KLC1: variants seen among roughly 807,000 people sequenced by gnomAD.
KLC1 encodes the protein kinesin 2 60/70kDa.
Under a neutral mutation model 84.2 loss-of-function variants are expected in KLC1, and 30 were observed. The ratio of observed to expected loss-of-function variants is 0.36; its 90% CI spans 0.27 to 0.48. The LOEUF (loss-of-function observed/expected upper bound fraction) is 0.48, where lower values mean the gene tolerates loss of function less well. KLC1 is among the 20% of genes least tolerant of loss of function. The pLI is 0.99. For synonymous variants in KLC1, 289 were observed against 293.3 expected (o/e 0.99, Z 0.15); for missense variants, 499 against 805.4 (o/e 0.62, Z 4.60).
chr14:103,695,602 C>T (rs988711615), intron 15 of KLC1: 2 of 985,142 alleles, frequency 2.0e-6, no homozygotes, highest in African/African-American at 3.5e-5. Flanking sequence ...TGACAGTTAT[C>T]TGGAAAGGAA....
chr14:103,659,013 T>C (rs1229018856), intron 3 of KLC1, among the ~76,000 whole-genome samples: 1 of 151,742 alleles, frequency 6.6e-6, no homozygotes, highest in East Asian at 1.9e-4. Flanking sequence ...GTCTCGCTTT[T>C]GTACCCCAGG....
intron 5 of KLC1, among the ~76,000 whole-genome samples, chr14:103,667,194 C>T (rs1342434479): frequency 6.6e-6 from 1 of 152,146 alleles, no homozygotes; most frequent in East Asian, 1.9e-4. Context: ...TCACTGCAAC[C>T]TCTGCCTCCT....
intron 1 of KLC1, among the ~76,000 whole-genome samples, chr14:103,641,064 A>G (rs1339599578): frequency 6.6e-6 from 1 of 151,902 alleles, no homozygotes; most frequent in African/African-American, 2.4e-5. Context: ...AGCTGGAATT[A>G]CAGGCATGCG....
At chr14:103,677,327 T>A in intron 11 of KLC1, 88 bp from the exon 12 acceptor site, 1 of 790,506 alleles carries the variant, frequency 1.3e-6, no homozygotes, top group South Asian at 1.5e-5. Context: ...AAAACAGAAG[T>A]CTGTTAGTTC....
At chr14:103,669,442 G>T in intron 5 of KLC1, 69 bp from the exon 6 acceptor site, 1 of 923,518 alleles carries the variant, frequency 1.1e-6, no homozygotes. Flanking sequence ...TAAAAAAAAA[G>T]AAAAGAAAAG....
chr14:103,700,582 C>G, intron 15 of KLC1, 73 bp from the exon 16 acceptor site: 1 of 1,241,276 alleles, frequency 8.1e-7, no homozygotes, highest in Non-Finnish European at 1.2e-6. Flanking sequence ...GCTGGTGTCA[C>G]GCCCGGAGCT....
chr14:103,685,904 G>T (rs1261877518), intron 13 of KLC1: 1 of 1,124,048 alleles, frequency 8.9e-7, no homozygotes, highest in Non-Finnish European at 1.1e-6. Context: ...TAATACACGA[G>T]TTTAAAAATT....
At position 103,662,930 on chromosome 14, in the gene KLC1, T is replaced by A; in HGVS notation, c.797+3T>A. 6.3e-7 allele frequency: 1 copy of A among 1,594,400 alleles called. No individual in the cohort carries two copies. On this transcript the variant is annotated splice_donor_region_variant and intron_variant, in intron 5 of 16. Transcript: ENST00000334553. ...AACATCCTGGCCTTGGTGTACAGGC[T>A]AGTCACTTTTGTTTACCTACTGAAT...
intron 15 of KLC1, among the ~76,000 whole-genome samples, chr14:103,692,652 T>C (rs557010175): frequency 2.7e-4 from 41 of 152,328 alleles, no homozygotes; most frequent in African/African-American, 9.1e-4. Flanking sequence ...TCTCAGAATA[T>C]TAATTAATGA....
At chr14:103,632,791 C>T (rs2076783350) in intron 1 of KLC1, among the ~76,000 whole-genome samples, 1 of 152,066 alleles carries the variant, frequency 6.6e-6, no homozygotes, top group Non-Finnish European at 1.5e-5. Context: ...TGGGCAGGTA[C>T]CACAGACCAG....
chr14:103,657,445 C>T (rs533938868), intron 2 of KLC1, 101 bp from the exon 3 acceptor site: 24 of 790,590 alleles, frequency 3.0e-5, no homozygotes, highest in South Asian at 6.9e-5. Context: ...AAAATATCTG[C>T]GAGTGTAAGC....
chr14:103,699,872 C>T, intron 15 of KLC1: 1 of 459,126 alleles, frequency 2.2e-6, no homozygotes, highest in Non-Finnish European at 4.0e-6. Context: ...TAGAGGTGTC[C>T]TTTGCGCAGG....
rs540847069 is a variant in KLC1, at chr14:103,694,515, C to T, written c.1848+2090C>T. The T allele has an allele frequency of 3.2e-5, 32 of 985,450 alleles. No individual in the cohort carries two copies. The African/African-American group carries it at 4.5e-4, about 14-fold the overall frequency. The allele number at this position is 985,450 out of a possible 1,614,324, so 61.0% of individuals were successfully genotyped here. A position where few individuals can be genotyped will look rare whatever the true frequency, so the allele number is the denominator to read the frequency against. On this transcript the variant is annotated intron_variant, in intron 15 of 16. Transcript: ENST00000334553. The surrounding 1 kb of genome is among the most constrained non-coding windows in gnomAD (Gnocchi z 4.5). Reference sequence around the variant, plus strand: ...GAGCACGGTGGACTCTGACAGGAACCTTTTCAAATCAATGCTGAGGCTGTA... The same window carrying T: ...GAGCACGGTGGACTCTGACAGGAACTTTTTCAAATCAATGCTGAGGCTGTA...
In KLC1 at chr14:103,699,728, C is replaced by T. The variant is rs944316386; in HGVS notation, c.1849-927C>T. 2.2e-4 allele frequency: 163 copies of T among 748,384 alleles called. No homozygotes were observed. The African/African-American group carries it at 2.5e-3, about 12-fold the overall frequency. The allele number at this position is 748,384 out of a possible 1,614,324, so 46.4% of individuals were successfully genotyped here. Reference sequence around the variant, plus strand: ...ACTCTGTAGTCCCCATACTCTGAGCCCAATTCTGTATTTTTCTCAAAGAGG... The same window carrying T: ...ACTCTGTAGTCCCCATACTCTGAGCTCAATTCTGTATTTTTCTCAAAGAGG... On this transcript the variant is annotated intron_variant, in intron 15 of 16. Coordinates refer to ENST00000334553, the MANE Select transcript of KLC1 (RefSeq NM_001394837.1).
At chr14:103,675,904 C>A in intron 11 of KLC1, 148 bp downstream of exon 11, 1 of 642,110 alleles carries the variant, frequency 1.6e-6, no homozygotes, top group Non-Finnish European at 2.8e-6. Context: ...AAAAAAACCC[C>A]ACTAACCTTG....
intron 7 of KLC1, among the ~76,000 whole-genome samples, chr14:103,670,867 G>A (rs55647815): frequency 0.27 from 41,590 of 151,508 alleles, 6,310 homozygotes; most frequent in East Asian, 0.53. Flanking sequence ...AGGATCACTT[G>A]AGCCTAGGAA....
chr14:103,697,738 G>A (rs1032372623), intron 15 of KLC1: 2 of 152,294 alleles, frequency 1.3e-5, no homozygotes, highest in East Asian at 1.9e-4. Flanking sequence ...CTGTGCCCAT[G>A]GGGAGGCCAC....
chr14:103,644,719 C>A (rs978380493), intron 1 of KLC1, among the ~76,000 whole-genome samples: 1 of 152,048 alleles, frequency 6.6e-6, no homozygotes, highest in Non-Finnish European at 1.5e-5. Context: ...CATAGTGAGA[C>A]CCTGTCTCTA....
At chr14:103,662,996 A>C in intron 5 of KLC1, 69 bp downstream of exon 5, 1 of 1,061,990 alleles carries the variant, frequency 9.4e-7, no homozygotes, top group South Asian at 1.7e-5. Context: ...TGCCCCTTAA[A>C]ATATATTTTT....
Sources: gnomAD v4.1 joint callset for allele counts (sites outside exome capture counted in the v4.1 genomes callset) on GRCh38, gnomAD v4.1.1 for gene constraint, Gnocchi (gnomAD v3.1) non-coding constraint, MANE v1.5 for transcripts, NCBI Gene and HGNC (gene_info 2026-07-23, HGNC 2026-07-21) for gene names.